The following CTNND2 variants were observed in gnomAD, a reference collection of about 807,000 sequenced individuals.
CTNND2 encodes catenin delta 2, also known as catenin delta-2.
Under a neutral mutation model 144.4 loss-of-function variants are expected in CTNND2, and 22 were observed. The observed-to-expected ratio is 0.15, with a 90% CI of 0.11 to 0.22. CTNND2 has a LOEUF of 0.22. Among genes scored for constraint, CTNND2 ranks in the 10% least tolerant of loss-of-function variants. CTNND2 has a pLI of 1.00. For synonymous variants in CTNND2, 751 were observed against 695.6 expected, an observed-to-expected ratio of 1.08 and a Z score of -1.25; for missense variants, 1,353 against 1,618.8, an observed-to-expected ratio of 0.84 and a Z score of 2.82.
At chr5:11,716,560 C>T (rs1409210820) in intron 2 of CTNND2, among the ~76,000 whole-genome samples, 1 of 152,182 alleles carries the variant, frequency 6.6e-6, no homozygotes, top group African/African-American at 2.4e-5. Flanking sequence ...TACTTATTTT[C>T]TCTCTATACA....
intron 1 of CTNND2, among the ~76,000 whole-genome samples, chr5:11,815,558 GT>G (rs1405799268): frequency 2.6e-5 from 4 of 151,736 alleles, no homozygotes; most frequent in African/African-American, 4.8e-5. Context: ...ATCCCAAGGG[GT>G]TTTTTTTCTA....
At chr5:11,656,391 C>T (rs1403232407) in intron 2 of CTNND2, among the ~76,000 whole-genome samples, 3 of 149,528 alleles carry the variant, frequency 2.0e-5, no homozygotes, top group Non-Finnish European at 4.5e-5. Context: ...ACCATCCCTG[C>T]TTCTATACCC....
chr5:11,506,352 A>C (rs888462373), intron 3 of CTNND2, among the ~76,000 whole-genome samples: 33 of 152,218 alleles, frequency 2.2e-4, no homozygotes, highest in African/African-American at 7.5e-4. Context: ...GATTTAAAAA[A>C]TAAGCAGTAT....
At chr5:11,677,885 G>C (rs1434814310) in intron 2 of CTNND2, among the ~76,000 whole-genome samples, 4 of 152,126 alleles carry the variant, frequency 2.6e-5, no homozygotes, top group Non-Finnish European at 5.9e-5. Flanking sequence ...GATTCAGGAA[G>C]TATCAAGCAG....
At chr5:11,651,174 C>A (rs1455914681) in intron 2 of CTNND2, among the ~76,000 whole-genome samples, 1 of 152,172 alleles carries the variant, frequency 6.6e-6, no homozygotes, top group Non-Finnish European at 1.5e-5. Context: ...CCTCAGGACA[C>A]TGCTCCCTGT....
chr5:11,838,030 T>C (rs756107540), intron 1 of CTNND2, among the ~76,000 whole-genome samples: 10 of 152,216 alleles, frequency 6.6e-5, no homozygotes, highest in Non-Finnish European at 8.8e-5. Context: ...TTGGATTCTC[T>C]GACTCCAGTC....
chr5:11,384,690 G>C lies in CTNND2; in HGVS notation c.1152C>G (p.Thr384=). Residue 384 remains threonine, a synonymous_variant, in exon 7 of 22, where the codon ACC becomes ACG. Transcript: ENST00000304623. This position sits in a 1 kb window ranked among gnomAD's most constrained non-coding sequence, Gnocchi z 5.2. ...CTGCCAGGCTGCCCGGCCTCTGGAG[G>C]GTGGCCGTGGCATACAGCTCCTGCG... ...KHSQELYATA[T]LQRPGSLAAG... 1.2e-6 allele frequency: 2 copies of C among 1,607,266 alleles called. No homozygotes were observed. Among genetic ancestry groups the C allele is most frequent in the Non-Finnish European group, 1.7e-6 (2 of 1,178,878 alleles).
intron 3 of CTNND2, among the ~76,000 whole-genome samples, chr5:11,486,203 G>A (rs1020622630): frequency 1.3e-5 from 2 of 152,084 alleles, no homozygotes; most frequent in African/African-American, 4.8e-5. Context: ...ATCACACTGG[G>A]TGATAAAATC....
intron 8 of CTNND2, among the ~76,000 whole-genome samples, chr5:11,354,992 T>A (rs953101663): frequency 6.6e-6 from 1 of 152,034 alleles, no homozygotes; most frequent in African/African-American, 2.4e-5. Flanking sequence ...CCTGAACCAA[T>A]CAATCAACAA....
chr5:11,288,724 G>T (rs1748001423), intron 9 of CTNND2, among the ~76,000 whole-genome samples: 1 of 151,474 alleles, frequency 6.6e-6, no homozygotes, highest in Non-Finnish European at 1.5e-5. Context: ...AGAAATAAGA[G>T]ATCAGTGGAT....
At chr5:11,061,085 C>T (rs144855863) in intron 16 of CTNND2, among the ~76,000 whole-genome samples, 119 of 152,272 alleles carry the variant, frequency 7.8e-4, no homozygotes, top group African/African-American at 2.8e-3. Context: ...TTCAAACTTT[C>T]AGTCCAAAAT....
chr5:10,986,417 C>A (rs1737963815), intron 20 of CTNND2, among the ~76,000 whole-genome samples: 5 of 152,166 alleles, frequency 3.3e-5, no homozygotes, highest in Admixed American at 3.3e-4. Context: ...AGTGTATCAT[C>A]CCAGACAGCT....
chr5:10,977,430 A>G (rs1439816843), intron 21 of CTNND2, among the ~76,000 whole-genome samples: 1 of 151,940 alleles, frequency 6.6e-6, no homozygotes, highest in East Asian at 1.9e-4. Context: ...GCTCAAAAGG[A>G]TGTTTGGAAA....
chr5:11,153,473 G>C (rs1361006409), intron 12 of CTNND2, among the ~76,000 whole-genome samples: 1 of 152,180 alleles, frequency 6.6e-6, no homozygotes, highest in Non-Finnish European at 1.5e-5. Context: ...GCTAATGCAA[G>C]AGTAAGCCAC....
chr5:11,173,147 A>G (rs1760103728), intron 11 of CTNND2, among the ~76,000 whole-genome samples: 1 of 152,274 alleles, frequency 6.6e-6, no homozygotes, highest in Non-Finnish European at 1.5e-5. Context: ...CTTTGCCCAC[A>G]TGCCGAACTT....
intron 20 of CTNND2, chr5:10,986,854 T>G (rs780005110): frequency 8.6e-6 from 3 of 347,176 alleles, no homozygotes; most frequent in African/African-American, 2.2e-5. Context: ...TTAGAAAAAT[T>G]TATCTTCGCT....
rs376686176 is a variant in CTNND2, at chr5:11,294,001, C to T, written c.1628+52371G>A. On this transcript the variant is annotated intron_variant, in intron 9 of 21. Transcript: ENST00000304623. The stretch of plus-strand genomic sequence containing the variant: ...GGTTCAGGAACCCCAGGACTGCCTT[C>T]CAGGAACCCACAAGATGAGGACATT... Among the ~76,000 whole-genome samples, 33 of 151,480 alleles carry T rather than the reference C, an allele frequency of 2.2e-4. No individual in the cohort carries two copies. In the East Asian group the frequency reaches 6.3e-3, roughly 29 times the overall value.
chr5:11,130,220 G>A (rs1755435884), intron 12 of CTNND2, among the ~76,000 whole-genome samples: 1 of 151,996 alleles, frequency 6.6e-6, no homozygotes, highest in Non-Finnish European at 1.5e-5. Flanking sequence ...CACCACTGTT[G>A]TTCTGTGCCC....
At chr5:11,419,062 A>ATC (rs774522623) in intron 3 of CTNND2, among the ~76,000 whole-genome samples, 11,837 of 137,396 alleles carry the variant, frequency 0.086, 374 homozygotes, top group African/African-American at 0.14. Flanking sequence ...CTATATAGAT[A>ATC]TATATATAGA....
Sources: allele counts gnomAD v4.1 joint callset (sites outside exome capture counted in the v4.1 genomes callset), GRCh38; gene constraint gnomAD v4.1.1; non-coding constraint Gnocchi (gnomAD v3.1); transcripts MANE v1.5; gene names NCBI Gene and HGNC (gene_info 2026-07-23, HGNC 2026-07-21).